The following SDK2 variants were observed in gnomAD, a reference collection of about 807,000 sequenced individuals.
The protein encoded by SDK2 is protein sidekick-2.
Under a neutral mutation model 253.9 loss-of-function variants are expected in SDK2, and 105 were observed. That is an observed-to-expected ratio of 0.41 (90% CI 0.35 to 0.49). The LOEUF is 0.49. Ranked by LOEUF, SDK2 falls within the 20% of genes least tolerant of loss-of-function variation. The pLI is 0.06. For missense variants in SDK2, 2,608 were observed against 3,003.0 expected, an observed-to-expected ratio of 0.87 and a Z score of 3.07; for synonymous variants, 1,249 against 1,234.9, an observed-to-expected ratio of 1.01 and a Z score of -0.24.
At chr17:73,561,181 G>A (rs185834474) in intron 1 of SDK2, among the ~76,000 whole-genome samples, 5 of 152,306 alleles carry the variant, frequency 3.3e-5, no homozygotes, top group African/African-American at 9.6e-5. Context: ...GGGGCCAAGC[G>A]AGCTATTTTG....
chr17:73,509,119 T>TG (rs973339704), intron 1 of SDK2, among the ~76,000 whole-genome samples: 101 of 152,160 alleles, frequency 6.6e-4, no homozygotes, highest in African/African-American at 2.4e-3. Context: ...AGGCCAGTGG[T>TG]GGGGGGTCTG....
At chr17:73,634,050 A>G (rs921337803) in intron 1 of SDK2, among the ~76,000 whole-genome samples, 3 of 152,174 alleles carry the variant, frequency 2.0e-5, no homozygotes, top group Non-Finnish European at 4.4e-5. Context: ...CCAGGGTTCT[A>G]AGAGCAAGGG....
chr17:73,562,226 C>T (rs1409246344), intron 1 of SDK2, among the ~76,000 whole-genome samples: 5 of 152,224 alleles, frequency 3.3e-5, no homozygotes, highest in Non-Finnish European at 5.9e-5. Flanking sequence ...AAAAGACACG[C>T]TCCAACGGGG....
At chr17:73,581,098 C>T (rs954211467) in intron 1 of SDK2, among the ~76,000 whole-genome samples, 5 of 151,820 alleles carry the variant, frequency 3.3e-5, no homozygotes, top group African/African-American at 1.2e-4. Context: ...TCAGGTGGGT[C>T]TCCAACTCCT....
intron 24 of SDK2, 60 bp downstream of exon 24, chr17:73,397,975 A>G: frequency 6.4e-7 from 1 of 1,572,746 alleles, no homozygotes; most frequent in Non-Finnish European, 8.6e-7. Flanking sequence ...TGCACCTTCT[A>G]GGAGGCAATG....
chr17:73,596,414 C>G (rs1430864286), intron 1 of SDK2, among the ~76,000 whole-genome samples: 1 of 152,148 alleles, frequency 6.6e-6, no homozygotes, highest in Non-Finnish European at 1.5e-5. Flanking sequence ...TCAACCTCTG[C>G]GACCCTCAGT....
intron 1 of SDK2, among the ~76,000 whole-genome samples, chr17:73,555,518 AGGCCTCTCTGCCCCTG>A (rs1207522843): frequency 2.0e-5 from 3 of 152,236 alleles, no homozygotes; most frequent in African/African-American, 7.2e-5. Context: ...CACTGTGGTC[AGGCCTCTCTGCCCCTG>A]GGCCTCAGAG....
At chr17:73,377,405 G>A (rs2062791716) in intron 36 of SDK2, among the ~76,000 whole-genome samples, 1 of 151,420 alleles carries the variant, frequency 6.6e-6, no homozygotes, top group African/African-American at 2.4e-5. Flanking sequence ...TTTTAGTAGA[G>A]ATGGGGTTTC....
In SDK2 at chr17:73,405,490, ATATATATATATATATATATATATATAT is replaced by A. The variant is rs1568385666; in HGVS notation, c.2485-3376_2485-3350del. Among the ~76,000 whole-genome samples the A allele has an allele frequency of 1.4e-4, 14 of 98,228 alleles. 1 individual carries two copies. The highest frequency in any genetic ancestry group is 4.8e-4 in the African/African-American group (13 of 27,012). The allele number at this position is 98,228 out of a possible 152,430, so 64.4% of individuals were successfully genotyped here. A position where few individuals can be genotyped will look rare whatever the true frequency, so the allele number is the denominator to read the frequency against. On this transcript the variant is annotated intron_variant, in intron 18 of 44. Transcript: ENST00000392650. ...ACCATATATATATATATATATATAT[ATATATATATATATATATATATATATAT>A]AAAGATCGAGAATGTGGAAAGTACA...
At chr17:73,555,316 C>G (rs1241063874) in intron 1 of SDK2, among the ~76,000 whole-genome samples, 1 of 152,192 alleles carries the variant, frequency 6.6e-6, no homozygotes, top group Non-Finnish European at 1.5e-5. Flanking sequence ...TGGTTGAGGG[C>G]AGGGGGAGCT....
Position 73,416,059 on chromosome 17 carries a change from G to C in SDK2, c.2187-67C>G, listed in dbSNP as rs908633191. The C allele has an allele frequency of 2.8e-6, 4 of 1,446,184 alleles. No homozygotes were observed. In the African/African-American group the frequency reaches 5.6e-5, roughly 20 times the overall value. The allele number at this position is 1,446,184 out of a possible 1,614,324, so 89.6% of individuals were successfully genotyped here. On this transcript the variant is annotated intron_variant, in intron 16 of 44. Coordinates refer to ENST00000392650, the MANE Select transcript of SDK2 (RefSeq NM_001144952.2). The stretch of plus-strand genomic sequence containing the variant: ...TCCTTGGCCTCGTACCCAGGAAATT[G>C]TCCAGAGCAGCGCTGTCCAATAGGA...
chr17:73,340,735 T>TTTG lies in SDK2; in HGVS notation c.6166-1796_6166-1795insCAA, dbSNP rs2062427826. On this transcript the variant is annotated intron_variant, in intron 44 of 44. Transcript: ENST00000392650. ...TTTTCATGTAATGAAAACCTTAAAG[T>TTTG]TTTTTTTTTTTTTTTTTTTTTTTTT... 5.3e-4 allele frequency among the ~76,000 whole-genome samples: 10 copies of TTTG among 18,970 alleles called. No individual in the cohort carries two copies. In the South Asian group the frequency reaches 8.5e-3, roughly 16 times the overall value. The allele number at this position is 18,970 out of a possible 152,430, so 12.4% of individuals were successfully genotyped here.
In SDK2 at chr17:73,431,725, C is replaced by A. The variant is rs1168116307; in HGVS notation, c.1313-56G>T. On this transcript the variant is annotated intron_variant, in intron 10 of 44. Coordinates refer to ENST00000392650, the MANE Select transcript of SDK2 (RefSeq NM_001144952.2). This position sits in a 1 kb window ranked among gnomAD's most constrained non-coding sequence, Gnocchi z 5.6. ...GTAGCCCCCAAGGGCACACCCTGCC[C>A]TTCCCTGGCCGCTCCAGGGCAGCAT... 11 of 1,502,408 alleles carry A rather than the reference C, an allele frequency of 7.3e-6. No homozygotes were observed. The East Asian group carries it at 2.6e-4, about 36-fold the overall frequency. 93.1% of individuals were successfully genotyped at this position (1,502,408 alleles called of 1,614,324 possible). A position where few individuals can be genotyped will look rare whatever the true frequency, so the allele number is the denominator to read the frequency against.
Position 73,338,177 on chromosome 17 carries a change from C to T in SDK2, c.*410G>A, listed in dbSNP as rs2062397185. On this transcript the variant is annotated 3_prime_UTR_variant, in exon 45 of 45. Transcript: ENST00000392650. The surrounding 1 kb of genome is among the most constrained non-coding windows in gnomAD (Gnocchi z 5.0). ...AGTGGGTCCAGGGGTCCTGGAGGGG[C>T]TGGAAGGGGGCAGCTGGCTGGACAT... 2.9e-6 allele frequency: 1 copy of T among 341,748 alleles called. No individual in the cohort carries two copies. The highest frequency in any genetic ancestry group is 2.3e-5 in the South Asian group (1 of 43,462). The allele number at this position is 341,748 out of a possible 1,614,324, so 21.2% of individuals were successfully genotyped here.
At chr17:73,375,735 A>G (rs12945452) in intron 36 of SDK2, among the ~76,000 whole-genome samples, 1,836 of 152,004 alleles carry the variant, frequency 0.012, 24 homozygotes, top group Non-Finnish European at 0.017. Context: ...AGGCACCTGT[A>G]ATCCCAGCTA....
rs751220571 is a variant in SDK2 at position 73,438,056 on chromosome 17, G to A, written c.824C>T (p.Thr275Ile). The A allele has an allele frequency of 1.9e-6, 3 of 1,551,714 alleles. No homozygotes were observed. The highest frequency in any genetic ancestry group is 1.2e-5 in the South Asian group (1 of 84,072). The change falls in exon 7 of 45, where the codon ACC becomes ATC. Residue 275 changes from threonine (T) to isoleucine (I), a missense_variant. Thr to Ile is a moderately conservative substitution (Grantham distance 89, BLOSUM62 -1). Around this residue, in one of 2 missense-constraint regions of SDK2, gnomAD observed 1,505 missense variants for 1,859.1 expected, o/e 0.81. Transcript: ENST00000392650. ...HNRRLTIPNP[T>I]GSDAGYYECE... ...CTCGTAGTAGCCGGCGTCACTGCCG[G>A]TGGGGTTGGGGATGGTGAGCCGGCG...
rs144277806 is a variant in SDK2, at chr17:73,437,547, T to G, written c.1000+192A>C. The stretch of plus-strand genomic sequence containing the variant: ...CCTCAAGTTTTGGTACCGTAAAGGT[T>G]GATTTCCAGCCTGAGATTATGGTAA... On this transcript the variant is annotated intron_variant, in intron 8 of 44. Coordinates refer to ENST00000392650, the MANE Select transcript of SDK2 (RefSeq NM_001144952.2). Among the ~76,000 whole-genome samples the G allele has an allele frequency of 4.0e-4, 61 of 152,288 alleles. 1 individual carries two copies. The highest frequency in any genetic ancestry group is 1.4e-3 in the African/African-American group (57 of 41,556).
At chr17:73,559,452 C>T (rs529638683) in intron 1 of SDK2, among the ~76,000 whole-genome samples, 6 of 152,276 alleles carry the variant, frequency 3.9e-5, no homozygotes, top group Middle Eastern at 6.8e-3. Context: ...ATTCTTTTTG[C>T]GGGCTCTTGA....
intron 5 of SDK2, among the ~76,000 whole-genome samples, chr17:73,442,411 G>A (rs974345462): frequency 2.0e-5 from 3 of 151,750 alleles, no homozygotes; most frequent in South Asian, 2.1e-4. Flanking sequence ...GCACGATCTC[G>A]GCTCACCACA....
Sources: allele counts gnomAD v4.1 joint callset (sites outside exome capture counted in the v4.1 genomes callset), GRCh38; gene constraint gnomAD v4.1.1; regional missense constraint gnomAD v4.1.1; non-coding constraint Gnocchi (gnomAD v3.1); transcripts MANE v1.5; gene names NCBI Gene and HGNC (gene_info 2026-07-23, HGNC 2026-07-21).